The following IL6R variants were observed in gnomAD, a reference collection of about 807,000 sequenced individuals.
IL6R encodes interleukin-6 receptor subunit alpha.
A neutral mutation model predicts 48.3 loss-of-function variants in IL6R; 38 were observed. The observed-to-expected ratio is 0.79, with a 90% CI of 0.61 to 1.03. The LOEUF is 1.03. IL6R is among the 50% of genes least tolerant of loss of function. The pLI is 0.00. For missense variants in IL6R, 534 were observed against 618.3 expected (o/e 0.86, Z 1.45); for synonymous variants, 264 against 256.2 (o/e 1.03, Z -0.29).
chr1:154,461,140 A>G (rs1691238505), intron 9 of IL6R, among the ~76,000 whole-genome samples: 1 of 152,206 alleles, frequency 6.6e-6, no homozygotes, highest in Admixed American at 6.5e-5. Context: ...CACTTATAAG[A>G]AAGATCAAAG....
rs181060686 is a variant in IL6R, at chr1:154,407,651, G to C, written c.85+1937G>C. Among the ~76,000 whole-genome samples, 378 of 152,332 alleles carry C rather than the reference G, an allele frequency of 2.5e-3. 5 individuals are homozygous for C. Among genetic ancestry groups the C allele is most frequent in the East Asian group, 4.4e-3 (23 of 5,186 alleles). On this transcript the variant is annotated intron_variant, in intron 1 of 9. Transcript: ENST00000368485. ...CGCTTTAGAGAAGTGAGGAGCAGAG[G>C]GGGAGCAGAGGCTGGAGTTGGCTGA...
Position 154,450,310 on chromosome 1 carries a change from G to A in IL6R, c.1066+330G>A, listed in dbSNP as rs1166887938. Among the ~76,000 whole-genome samples, 5 of 152,210 alleles carry A rather than the reference G, an allele frequency of 3.3e-5. No homozygotes were observed. The South Asian group carries it at 6.2e-4, about 19-fold the overall frequency. ...CCAGCTAATTTTTGTATTTTTACTA[G>A]AGACAGGGTTTCACTATGTTGGCCA... On this transcript the variant is annotated intron_variant, in intron 8 of 9. Transcript: ENST00000368485.
At position 154,405,671 on chromosome 1, in the gene IL6R, C is replaced by G. The variant is rs1687662262; in HGVS notation, c.42C>G (p.Ala14=). ...GCGCGCTGCTGGCTGCCCTGCTGGC[C>G]GCGCCGGGAGCGGCGCTGGCCCCAA... ...VGCALLAALL[A]APGAALAPRR... Residue 14 remains alanine (A), a synonymous_variant, in exon 1 of 10, where the codon GCC becomes GCG. Coordinates refer to ENST00000368485, the MANE Select transcript of IL6R (RefSeq NM_000565.4). This position sits in a 1 kb window ranked among gnomAD's most constrained non-coding sequence, Gnocchi z 5.2. 1.3e-6 allele frequency: 2 copies of G among 1,530,486 alleles called. No individual in the cohort carries two copies. The highest frequency in any genetic ancestry group is 1.7e-6 in the Non-Finnish European group (2 of 1,145,848). 94.8% of individuals were successfully genotyped at this position (1,530,486 alleles called of 1,614,324 possible).
chr1:154,453,351 A>C (rs995415400), intron 8 of IL6R, among the ~76,000 whole-genome samples: 2 of 152,236 alleles, frequency 1.3e-5, no homozygotes, highest in Non-Finnish European at 2.9e-5. Flanking sequence ...GCGCCCGCTC[A>C]CCAGTCTGGG....
Position 154,437,814 on chromosome 1 carries a change from C to T in IL6R, c.949+1704C>T, listed in dbSNP as rs1400645201. Among the ~76,000 whole-genome samples, 6 of 151,296 alleles carry T rather than the reference C, an allele frequency of 4.0e-5. No homozygotes were observed. In the South Asian group the frequency reaches 8.4e-4, roughly 21 times the overall value. ...CTGCAAGCTCTGCCTCTTGGGTTCA[C>T]GCTATTCTCCTGCCTCAGCCTCCTG... On this transcript the variant is annotated intron_variant, in intron 6 of 9. Coordinates refer to ENST00000368485, the MANE Select transcript of IL6R (RefSeq NM_000565.4).
At chr1:154,411,508 CATCT>C (rs1688017410) in intron 1 of IL6R, among the ~76,000 whole-genome samples, 1 of 152,176 alleles carries the variant, frequency 6.6e-6, no homozygotes, top group South Asian at 2.1e-4. Context: ...AGGTCCCCCA[CATCT>C]ATTCATATGC....
Position 154,465,325 on chromosome 1 carries a change from G to C in IL6R, c.1352G>C (p.Arg451Thr), listed in dbSNP as rs142713546. The C allele has an allele frequency of 1.5e-4, 239 of 1,614,212 alleles. 1 individual carries two copies. In the African/African-American group the frequency reaches 2.5e-3, roughly 17 times the overall value. The change falls in exon 10 of 10, where the codon AGG becomes ACG. Residue 451 changes from arginine to threonine, a missense_variant. Transcript: ENST00000368485. ...NTSSHNRPDA[R>T]DPRSPYDISN... is the part of the protein sequence containing the mutation. The stretch of plus-strand genomic sequence containing the variant: ...TCGAGCCACAACCGACCAGATGCCA[G>C]GGACCCACGGAGCCCTTATGACATC...
At chr1:154,435,487 C>T (rs995053519) in intron 5 of IL6R, among the ~76,000 whole-genome samples, 4 of 140,588 alleles carry the variant, frequency 2.8e-5, no homozygotes, top group Non-Finnish European at 6.0e-5. Context: ...CCAGCCTGGG[C>T]GACAGAGTTA....
intron 9 of IL6R, among the ~76,000 whole-genome samples, chr1:154,460,642 A>G (rs958507654): frequency 6.6e-6 from 1 of 152,224 alleles, no homozygotes; most frequent in Non-Finnish European, 1.5e-5. Flanking sequence ...CATACAGAAA[A>G]GTTCCCACAT....
intron 1 of IL6R, among the ~76,000 whole-genome samples, chr1:154,421,856 A>G (rs375142122): frequency 6.6e-6 from 1 of 152,170 alleles, no homozygotes; most frequent in South Asian, 2.1e-4. Context: ...CCTGGGCACA[A>G]ACGATCCTCC....
At chr1:154,409,576 A>G (rs571140415) in intron 1 of IL6R, among the ~76,000 whole-genome samples, 15 of 152,300 alleles carry the variant, frequency 9.8e-5, no homozygotes, top group Admixed American at 9.8e-4. Context: ...AAGGTATTAA[A>G]TAGAGTGTTT....
chr1:154,452,953 C>T (rs1690669461), intron 8 of IL6R, among the ~76,000 whole-genome samples: 1 of 152,118 alleles, frequency 6.6e-6, no homozygotes, highest in Non-Finnish European at 1.5e-5. Context: ...GCCTGTAATC[C>T]CAGCACTTTG....
In IL6R at chr1:154,436,094, G is replaced by A; in HGVS notation, c.933G>A (p.Met311Ile). The change falls in exon 6 of 10, where the codon ATG becomes ATA. Residue 311 changes from methionine (M) to isoleucine (I), a missense_variant. Physicochemically the swap from Met to Ile is conservative, Grantham distance 10. Transcript: ENST00000368485. Reference sequence around the variant, plus strand: ...GGAGCGAGTGGAGCCCGGAGGCCATGGGCACGCCTTGGACAGGTACTGCGG... The same window carrying A: ...GGAGCGAGTGGAGCCCGGAGGCCATAGGCACGCCTTGGACAGGTACTGCGG... ...GEWSEWSPEA[M>I]GTPWTESRSP... is the part of the protein sequence containing the mutation. 1 of 1,611,980 alleles carries A rather than the reference G, an allele frequency of 6.2e-7. No homozygotes were observed. The highest frequency in any genetic ancestry group is 8.5e-7 in the Non-Finnish European group (1 of 1,178,614).
At chr1:154,412,280 G>A (rs965863610) in intron 1 of IL6R, among the ~76,000 whole-genome samples, 4 of 150,244 alleles carry the variant, frequency 2.7e-5, no homozygotes, top group Admixed American at 2.0e-4. Flanking sequence ...TTGAGACAGA[G>A]TCTCACTGTG....
chr1:154,461,260 C>T (rs1235140550), intron 9 of IL6R, among the ~76,000 whole-genome samples: 1 of 152,224 alleles, frequency 6.6e-6, no homozygotes, highest in African/African-American at 2.4e-5. Flanking sequence ...ACCCTTGAAG[C>T]ACAGCACCAC....
Position 154,465,364 on chromosome 1 carries a change from A to G in IL6R, c.1391A>G (p.Tyr464Cys), listed in dbSNP as rs772992976. The G allele has an allele frequency of 1.4e-5, 23 of 1,613,944 alleles. No homozygotes were observed. The African/African-American group carries it at 1.9e-4, about 13-fold the overall frequency. ...CCTTATGACATCAGCAATACAGACT[A>G]CTTCTTCCCCAGATAGCTGGCTGGG... ...RSPYDISNTDYFFPR is the reference protein window; with the variant it reads ...RSPYDISNTDCFFPR Residue 464 changes from tyrosine (Y) to cysteine (C), a missense_variant, in exon 10 of 10, where the codon TAC becomes TGC. Tyr to Cys is a radical substitution (Grantham distance 194). Coordinates refer to ENST00000368485, the MANE Select transcript of IL6R (RefSeq NM_000565.4).
intron 1 of IL6R, chr1:154,414,613 C>A: frequency 1.3e-6 from 1 of 788,046 alleles, no homozygotes; most frequent in Non-Finnish European, 2.2e-6. Flanking sequence ...CATCTCATCC[C>A]TGATAGTGTC....
At chr1:154,445,146 C>T in intron 6 of IL6R, 2 of 456,016 alleles carry the variant, frequency 4.4e-6, no homozygotes, top group Non-Finnish European at 8.8e-6. Flanking sequence ...TTATTTGTTT[C>T]TACACGAATA....
chr1:154,408,473 C>A (rs189590945), intron 1 of IL6R, among the ~76,000 whole-genome samples: 1 of 152,000 alleles, frequency 6.6e-6, no homozygotes, highest in African/African-American at 2.4e-5. Context: ...AGACTCTGAC[C>A]GGGCCACTGG....
Sources: gnomAD v4.1 joint callset for allele counts (sites outside exome capture counted in the v4.1 genomes callset) on GRCh38, gnomAD v4.1.1 for gene constraint, Gnocchi (gnomAD v3.1) non-coding constraint, MANE v1.5 for transcripts, NCBI Gene and HGNC (gene_info 2026-07-23, HGNC 2026-07-21) for gene names.